TAF3: variants seen among roughly 807,000 people sequenced by gnomAD.
TAF3 encodes the protein TATA-box binding protein associated factor 3.
TAF3 carries 7 observed loss-of-function variants against 80.6 expected under a neutral mutation model. That is an observed-to-expected ratio of 0.09 (90% CI 0.05 to 0.16). The LOEUF (loss-of-function observed/expected upper bound fraction) is 0.16, where lower values mean the gene tolerates loss of function less well. Ranked by LOEUF, TAF3 falls within the 10% of genes least tolerant of loss-of-function variation. The pLI, the probability that TAF3 is intolerant of heterozygous loss-of-function variation, is 1.00. For missense variants in TAF3, 921 were observed against 1,140.2 expected (o/e 0.81, Z 2.77); for synonymous variants, 444 against 446.1 (o/e 1.00, Z 0.06).
intron 2 of TAF3, among the ~76,000 whole-genome samples, chr10:7,919,402 G>A (rs1837742116): frequency 6.6e-6 from 1 of 152,180 alleles, no homozygotes; most frequent in Non-Finnish European, 1.5e-5. Flanking sequence ...CTGTCCTGGT[G>A]TTACTTAGGG....
rs144712858 is a variant in TAF3 at position 7,947,602 on chromosome 10, G to A, written c.410-16318G>A. The stretch of plus-strand genomic sequence containing the variant: ...AATACGAGAGAAGCAGCCGTGAGCC[G>A]ACCTGGAGGAACAGCACTGGGGCTG... On this transcript the variant is annotated intron_variant, in intron 2 of 6. Coordinates refer to ENST00000344293, the MANE Select transcript of TAF3 (RefSeq NM_031923.4). 1.1e-4 allele frequency among the ~76,000 whole-genome samples: 17 copies of A among 152,322 alleles called. 1 individual carries two copies. In the East Asian group the frequency reaches 2.3e-3, roughly 21 times the overall value.
rs57207229 is a variant in TAF3 at position 7,856,858 on chromosome 10, C to CAAAAAAAAAAAAAAAAAAAAAAAAAAA, written c.409+32320_409+32321insAAAAAAAAAAAAAAAAAAAAAAAAAAA. On this transcript the variant is annotated intron_variant, in intron 2 of 6. Transcript: ENST00000344293. ...TGGTAAATGTTTAACAGCTGGTTCTCAAAAAAAAAAAAAAAAAAAAAAGCA... is the reference window on the plus strand; with the variant it reads ...TGGTAAATGTTTAACAGCTGGTTCTCAAAAAAAAAAAAAAAAAAAAAAAAAAAAAAAAAAAAAAAAAAAAAAAAAGCA... Among the ~76,000 whole-genome samples the CAAAAAAAAAAAAAAAAAAAAAAAAAAA allele has an allele frequency of 2.2e-5, 2 of 91,158 alleles. 1 individual carries two copies. 59.8% of individuals were successfully genotyped at this position (91,158 alleles called of 152,430 possible). A position where few individuals can be genotyped will look rare whatever the true frequency, so the allele number is the denominator to read the frequency against.
chr10:7,860,405 G>A (rs1268527850), intron 2 of TAF3, among the ~76,000 whole-genome samples: 3 of 151,878 alleles, frequency 2.0e-5, no homozygotes, highest in Non-Finnish European at 4.4e-5. Context: ...TTGTACCTTT[G>A]CCCCATCCCA....
chr10:7,944,828 T>A (rs1418241866), intron 2 of TAF3, among the ~76,000 whole-genome samples: 1 of 152,176 alleles, frequency 6.6e-6, no homozygotes, highest in African/African-American at 2.4e-5. Context: ...AAGAAACTCA[T>A]ATTTTGGGAC....
chr10:7,954,362 A>T lies in TAF3; in HGVS notation c.410-9558A>T, dbSNP rs1415191750. On this transcript the variant is annotated intron_variant, in intron 2 of 6. Coordinates refer to ENST00000344293, the MANE Select transcript of TAF3 (RefSeq NM_031923.4). ...AGTTCTAGTTAACACAGAGCTCTCCATAGTGAGATTCAGAGTGCACTCCAT... is the reference window on the plus strand; with the variant it reads ...AGTTCTAGTTAACACAGAGCTCTCCTTAGTGAGATTCAGAGTGCACTCCAT... 1.6e-5 allele frequency among the ~76,000 whole-genome samples: 2 copies of T among 125,534 alleles called. 1 individual carries two copies. The highest frequency in any genetic ancestry group is 5.9e-4 in the East Asian group (2 of 3,362). The allele number at this position is 125,534 out of a possible 152,430, so 82.4% of individuals were successfully genotyped here. A position where few individuals can be genotyped will look rare whatever the true frequency, so the allele number is the denominator to read the frequency against.
At position 7,899,851 on chromosome 10, in the gene TAF3, C is replaced by T. The variant is rs77280165; in HGVS notation, c.410-64069C>T. On this transcript the variant is annotated intron_variant, in intron 2 of 6. Transcript: ENST00000344293. ...CATTATGTAGGGAAATGAATATACA[C>T]GTGCACAGAAAAATACTAAGAAAAT... 1.1e-3 allele frequency among the ~76,000 whole-genome samples: 170 copies of T among 152,184 alleles called. 1 individual carries two copies. The highest frequency in any genetic ancestry group is 1.8e-3 in the African/African-American group (76 of 41,516).
intron 2 of TAF3, among the ~76,000 whole-genome samples, chr10:7,862,986 C>A (rs1312781): frequency 0.44 from 67,530 of 151,978 alleles, 15,231 homozygotes; most frequent in South Asian, 0.64. Context: ...TTTCAAATAA[C>A]GTTGATATGA....
chr10:7,867,792 C>T (rs1373077302), intron 2 of TAF3, among the ~76,000 whole-genome samples: 1 of 152,096 alleles, frequency 6.6e-6, no homozygotes, highest in East Asian at 1.9e-4. Flanking sequence ...GGGCACAGAC[C>T]CCTGTGCAGA....
At chr10:8,011,870 T>G (rs1050526880) in intron 5 of TAF3, among the ~76,000 whole-genome samples, 1 of 152,174 alleles carries the variant, frequency 6.6e-6, no homozygotes, top group African/African-American at 2.4e-5. Flanking sequence ...CCAACTGGAA[T>G]AGACAATGTA....
chr10:7,987,446 C>A (rs768612791), intron 4 of TAF3, among the ~76,000 whole-genome samples: 1 of 152,104 alleles, frequency 6.6e-6, no homozygotes, highest in Non-Finnish European at 1.5e-5. Context: ...ACTGTTGTAT[C>A]ATCATTTATC....
intron 4 of TAF3, among the ~76,000 whole-genome samples, chr10:7,990,811 C>T (rs1467011609): frequency 1.3e-5 from 2 of 152,096 alleles, no homozygotes; most frequent in Non-Finnish European, 2.9e-5. Context: ...GTTAGAGAGT[C>T]CTGCTCTGAG....
At chr10:7,827,779 CAAAAAAAAAAAA>C (rs71515491) in intron 2 of TAF3, among the ~76,000 whole-genome samples, 1 of 94,990 alleles carries the variant, frequency 1.1e-5, no homozygotes, top group East Asian at 3.3e-4. Flanking sequence ...GACTCTGTCT[CAAAAAAAAAAAA>C]AAAAACAAAA....
intron 2 of TAF3, among the ~76,000 whole-genome samples, chr10:7,957,704 C>G (rs1838149287): frequency 6.6e-6 from 1 of 151,526 alleles, no homozygotes; most frequent in African/African-American, 2.4e-5. Context: ...ACTAAAATAA[C>G]AGAAAATGAG....
Position 7,964,011 on chromosome 10 carries a change from A to G in TAF3, c.501A>G (p.Glu167=). 1 of 1,614,192 alleles carries G rather than the reference A, an allele frequency of 6.2e-7. No homozygotes were observed. Among genetic ancestry groups the G allele is most frequent in the Non-Finnish European group, 8.5e-7 (1 of 1,180,030 alleles). Residue 167 remains glutamate (E), a synonymous_variant, in exon 3 of 7, where the codon GAA becomes GAG. Transcript: ENST00000344293. This position sits in a 1 kb window ranked among gnomAD's most constrained non-coding sequence, Gnocchi z 4.1. ...AAGAAGATGATGAATTGGAGGAGGA[A>G]GAAATTATTAATGATGAGAATTTCC... The part of the protein sequence containing the change: ...PLEEDDELEE[E]EIINDENFLG...
intron 2 of TAF3, among the ~76,000 whole-genome samples, chr10:7,840,856 T>C (rs966701213): frequency 2.7e-5 from 4 of 148,862 alleles, no homozygotes; most frequent in Admixed American, 6.7e-5. Flanking sequence ...CTTTCTTTCT[T>C]TTTTTTTTTT....
intron 4 of TAF3, among the ~76,000 whole-genome samples, chr10:7,993,385 C>T (rs182292462): frequency 6.6e-6 from 1 of 152,252 alleles, no homozygotes; most frequent in East Asian, 1.9e-4. Flanking sequence ...TGCTGTGTTG[C>T]CCAGGATGGT....
rs1837106075 is a variant in TAF3 at position 7,858,508 on chromosome 10, T to G, written c.409+33948T>G. 2.6e-5 allele frequency among the ~76,000 whole-genome samples: 4 copies of G among 152,348 alleles called. No homozygotes were observed. The South Asian group carries it at 8.3e-4, about 32-fold the overall frequency. ...TTTTTTCACTAGTTCCGGATCTTAC[T>G]GATTAGGTACTTTCTGAACTGGGAG... On this transcript the variant is annotated intron_variant, in intron 2 of 6. Transcript: ENST00000344293.
chr10:7,835,128 C>T (rs537513563), intron 2 of TAF3, among the ~76,000 whole-genome samples: 2 of 152,274 alleles, frequency 1.3e-5, no homozygotes, highest in African/African-American at 2.4e-5. Context: ...GGTGTCCAAT[C>T]TTTTGGCTTC....
intron 4 of TAF3, among the ~76,000 whole-genome samples, chr10:8,002,730 C>G (rs1831956231): frequency 6.6e-6 from 1 of 152,046 alleles, no homozygotes; most frequent in Non-Finnish European, 1.5e-5. Flanking sequence ...AAACCTATAT[C>G]TTTGCTGGTT....
Sources: gnomAD v4.1 joint callset for allele counts (sites outside exome capture counted in the v4.1 genomes callset) on GRCh38, gnomAD v4.1.1 for gene constraint, Gnocchi (gnomAD v3.1) non-coding constraint, MANE v1.5 for transcripts, NCBI Gene and HGNC (gene_info 2026-07-23, HGNC 2026-07-21) for gene names.